MBNL1: variants seen among roughly 807,000 people sequenced by gnomAD.
The protein encoded by MBNL1 is muscleblind-like protein 1.
In MBNL1, 8 loss-of-function variants were observed where a neutral mutation model predicts 42.2. The observed-to-expected ratio is 0.19, with a 90% CI of 0.11 to 0.34. The LOEUF (loss-of-function observed/expected upper bound fraction) is 0.34. MBNL1 is among the 10% of genes least tolerant of loss of function. The pLI, the probability that MBNL1 is intolerant of heterozygous loss-of-function variation, is 1.00. For synonymous variants in MBNL1, 169 were observed against 173.9 expected, an observed-to-expected ratio of 0.97 and a Z score of 0.22; for missense variants, 309 against 495.3, an observed-to-expected ratio of 0.62 and a Z score of 3.57.
At chr3:152,246,329 A>G (rs1343890094) in intron 2 of MBNL1, among the ~76,000 whole-genome samples, 1 of 152,138 alleles carries the variant, frequency 6.6e-6, no homozygotes, top group Non-Finnish European at 1.5e-5. Flanking sequence ...CAGAGAAGAT[A>G]CTATCTTTCT....
rs2091955147 is a variant in MBNL1, at chr3:152,338,437, G to A, written c.174+38070G>A. The A allele has an allele frequency of 1.5e-5, 15 of 985,212 alleles. No homozygotes were observed. The South Asian group carries it at 6.6e-4, about 43-fold the overall frequency. The allele number at this position is 985,212 out of a possible 1,614,324, so 61.0% of individuals were successfully genotyped here. On this transcript the variant is annotated intron_variant, in intron 2 of 9. Coordinates refer to ENST00000324210, the MANE Select transcript of MBNL1 (RefSeq NM_021038.5). ...CTGCTACAGTTGAGCACCGTGCTGG[G>A]TACCATGTTGCCCTCTACACTTGCT...
intron 1 of MBNL1, among the ~76,000 whole-genome samples, chr3:152,284,509 A>G (rs540685323): frequency 1.1e-4 from 17 of 152,168 alleles, no homozygotes; most frequent in African/African-American, 3.9e-4. Context: ...CAGATTTTTA[A>G]TGGTTTTATC....
chr3:152,284,781 C>T (rs2050568860), intron 1 of MBNL1, among the ~76,000 whole-genome samples: 1 of 152,052 alleles, frequency 6.6e-6, no homozygotes, highest in Non-Finnish European at 1.5e-5. Flanking sequence ...TGGAAGTTTT[C>T]TGCAGACATA....
At chr3:152,386,309 CTG>C (rs1180284567) in intron 2 of MBNL1, among the ~76,000 whole-genome samples, 1 of 151,984 alleles carries the variant, frequency 6.6e-6, no homozygotes, top group Non-Finnish European at 1.5e-5. Context: ...TCTTGGGAAA[CTG>C]TTACACCCTT....
intron 2 of MBNL1, among the ~76,000 whole-genome samples, chr3:152,414,286 G>A (rs1422247784): frequency 6.6e-6 from 1 of 152,202 alleles, no homozygotes; most frequent in African/African-American, 2.4e-5. Context: ...GTAAAATGGA[G>A]AAGACTAGAT....
chr3:152,302,902 C>CT (rs1394463421), intron 2 of MBNL1, among the ~76,000 whole-genome samples: 9 of 152,026 alleles, frequency 5.9e-5, no homozygotes, highest in Admixed American at 5.2e-4. Flanking sequence ...CAAATACTCT[C>CT]TGAGAGGACC....
chr3:152,273,934 A>G (rs2043367631), intron 1 of MBNL1, among the ~76,000 whole-genome samples: 1 of 152,190 alleles, frequency 6.6e-6, no homozygotes, highest in South Asian at 2.1e-4. Context: ...TCCCCAAGAC[A>G]ATGCCAATTT....
intron 2 of MBNL1, chr3:152,262,960 A>C (rs2036553602): frequency 6.6e-6 from 1 of 152,244 alleles, no homozygotes; most frequent in African/African-American, 2.4e-5. Flanking sequence ...CCATAGTAGA[A>C]GGTACGCATA....
chr3:152,256,678 G>C (rs992842230), intron 2 of MBNL1, among the ~76,000 whole-genome samples: 10 of 152,090 alleles, frequency 6.6e-5, no homozygotes, highest in African/African-American at 2.4e-4. Flanking sequence ...GGAGGTTGAG[G>C]GCTGTGATTT....
At chr3:152,404,908 T>C (rs144797305) in intron 2 of MBNL1, among the ~76,000 whole-genome samples, 2,322 of 152,062 alleles carry the variant, frequency 0.015, 51 homozygotes, top group African/African-American at 0.053. Context: ...GTAGATAATA[T>C]GAAGCAATAT....
At chr3:152,440,663 G>T (rs2099134765) in intron 4 of MBNL1, among the ~76,000 whole-genome samples, 1 of 151,760 alleles carries the variant, frequency 6.6e-6, no homozygotes, top group Non-Finnish European at 1.5e-5. Flanking sequence ...ATTTATCTAG[G>T]GATTTTAATT....
chr3:152,341,938 A>T (rs1171322318), intron 2 of MBNL1, among the ~76,000 whole-genome samples: 1 of 152,224 alleles, frequency 6.6e-6, no homozygotes, highest in African/African-American at 2.4e-5. Context: ...TCAAAATTAA[A>T]ATGGTGTCTT....
At chr3:152,314,395 G>A (rs2152178654) in intron 2 of MBNL1, among the ~76,000 whole-genome samples, 1 of 149,626 alleles carries the variant, frequency 6.7e-6, no homozygotes, top group Middle Eastern at 3.4e-3. Flanking sequence ...TTTTTTTGAG[G>A]TGGGAGTTTA....
At chr3:152,331,366 T>C (rs2084414521) in intron 2 of MBNL1, among the ~76,000 whole-genome samples, 1 of 152,222 alleles carries the variant, frequency 6.6e-6, no homozygotes, top group African/African-American at 2.4e-5. Context: ...TTAGCCAGTT[T>C]TATTTAAAGC....
At chr3:152,370,345 G>C (rs377124359) in intron 2 of MBNL1, among the ~76,000 whole-genome samples, 24 of 152,118 alleles carry the variant, frequency 1.6e-4, no homozygotes, top group African/African-American at 5.6e-4. Flanking sequence ...CCTCTAATTT[G>C]ATTGCACCAG....
intron 2 of MBNL1, among the ~76,000 whole-genome samples, chr3:152,256,548 C>A (rs1437921336): frequency 6.6e-6 from 1 of 152,070 alleles, no homozygotes; most frequent in Non-Finnish European, 1.5e-5. Context: ...AATTACTCTG[C>A]CATTTTCCAT....
At chr3:152,389,287 C>A (rs757794045) in intron 2 of MBNL1, among the ~76,000 whole-genome samples, 10 of 152,084 alleles carry the variant, frequency 6.6e-5, no homozygotes, top group Non-Finnish European at 1.2e-4. Flanking sequence ...TGGGGTTTCT[C>A]CATGTTGGTC....
At chr3:152,276,076 A>G (rs1372596938) in intron 1 of MBNL1, among the ~76,000 whole-genome samples, 6 of 152,180 alleles carry the variant, frequency 3.9e-5, no homozygotes, top group Non-Finnish European at 7.4e-5. Flanking sequence ...CCGTAAAGTA[A>G]TAAGACTTTT....
At chr3:152,434,355 C>G (rs983618584) in intron 4 of MBNL1, among the ~76,000 whole-genome samples, 9 of 152,182 alleles carry the variant, frequency 5.9e-5, no homozygotes, top group Non-Finnish European at 1.0e-4. Context: ...GCCTCCAGCT[C>G]AATCTGTGTT....
Sources: allele counts gnomAD v4.1 joint callset (sites outside exome capture counted in the v4.1 genomes callset), GRCh38; gene constraint gnomAD v4.1.1; transcripts MANE v1.5; gene names NCBI Gene and HGNC (gene_info 2026-07-23, HGNC 2026-07-21).